CSMD1: variants seen among roughly 807,000 people sequenced by gnomAD.
CSMD1 encodes the protein CUB and sushi domain-containing protein 1.
In CSMD1, 213 loss-of-function variants were observed where a neutral mutation model predicts 417.5. The ratio of observed to expected loss-of-function variants is 0.51; its 90% CI spans 0.46 to 0.57. CSMD1 has a LOEUF of 0.57. Ranked by LOEUF, CSMD1 falls within the 20% of genes least tolerant of loss-of-function variation. CSMD1 has a pLI of 0.00. For missense variants in CSMD1, 6,923 were observed against 4,529.7 expected (o/e 1.53, Z -15.17); for synonymous variants, 2,862 against 1,736.8 (o/e 1.65, Z -16.11).
At chr8:4,003,142 C>T (rs1414232827) in intron 4 of CSMD1, among the ~76,000 whole-genome samples, 3 of 151,948 alleles carry the variant, frequency 2.0e-5, no homozygotes, top group African/African-American at 7.3e-5. Flanking sequence ...GCCTGTAGTC[C>T]CAACACTTTG....
At chr8:4,011,895 G>C (rs901384990) in intron 4 of CSMD1, among the ~76,000 whole-genome samples, 111 of 151,996 alleles carry the variant, frequency 7.3e-4, no homozygotes, top group African/African-American at 2.5e-3. Flanking sequence ...ATATAAAATG[G>C]AATTTTATTT....
chr8:4,769,103 T>A (rs984399102), intron 1 of CSMD1, among the ~76,000 whole-genome samples: 4 of 152,212 alleles, frequency 2.6e-5, no homozygotes, highest in African/African-American at 9.6e-5. Flanking sequence ...GATGGACAGA[T>A]CTGGTTCAAA....
At chr8:3,649,576 G>A (rs970405359) in intron 7 of CSMD1, among the ~76,000 whole-genome samples, 9 of 152,024 alleles carry the variant, frequency 5.9e-5, no homozygotes, top group Non-Finnish European at 1.2e-4. Context: ...TGCAAAGTGG[G>A]GAGAGCCTCT....
intron 5 of CSMD1, among the ~76,000 whole-genome samples, chr8:3,900,300 TAGCTGGGTGACAGTGC>T (rs1807650313): frequency 6.8e-6 from 1 of 148,010 alleles, no homozygotes; most frequent in African/African-American, 2.6e-5. Flanking sequence ...CGTGACACTG[TAGCTGGGTGACAGTGC>T]AGCTGGATGA....
At chr8:3,398,475 C>G (rs1255603104) in intron 16 of CSMD1, among the ~76,000 whole-genome samples, 1 of 152,140 alleles carries the variant, frequency 6.6e-6, no homozygotes, top group Non-Finnish European at 1.5e-5. Flanking sequence ...TAACACAACT[C>G]CTGCTGAAAA....
intron 41 of CSMD1, among the ~76,000 whole-genome samples, chr8:3,119,368 T>G (rs75042978): frequency 3.2e-4 from 45 of 142,266 alleles, no homozygotes; most frequent in African/African-American, 1.1e-3. Flanking sequence ...CCATTGCAGT[T>G]TTTTTAGTCT....
At chr8:3,190,177 G>C in intron 33 of CSMD1, 62 bp from the exon 34 acceptor site, 1 of 1,373,858 alleles carries the variant, frequency 7.3e-7, no homozygotes, top group Non-Finnish European at 1.0e-6. Context: ...GACGTTGCGT[G>C]GAACGTGGGT....
At position 3,078,195 on chromosome 8, in the gene CSMD1, T is replaced by C. The variant is rs1303421970; in HGVS notation, c.7474+8902A>G. ...TTATTACTTTGCATATTTTGTACAG[T>C]TCCTTGTGCAGAAAGGTCAAGGTCT... On this transcript the variant is annotated intron_variant, in intron 49 of 69. Transcript: ENST00000635120. 2.0e-5 allele frequency among the ~76,000 whole-genome samples: 3 copies of C among 152,354 alleles called. No homozygotes were observed. In the East Asian group the frequency reaches 5.8e-4, roughly 29 times the overall value.
At chr8:3,127,862 G>A in intron 41 of CSMD1, 1 of 149,966 alleles carries the variant, frequency 6.7e-6, no homozygotes, top group Non-Finnish European at 1.5e-5. Context: ...GGAAGGAAAG[G>A]AGGGAGGGAA....
At chr8:4,261,948 A>C (rs556988946) in intron 3 of CSMD1, among the ~76,000 whole-genome samples, 1 of 152,188 alleles carries the variant, frequency 6.6e-6, no homozygotes, top group Non-Finnish European at 1.5e-5. Flanking sequence ...AATGTAACAA[A>C]ACAGAAAAAA....
intron 20 of CSMD1, 118 bp from the exon 21 acceptor site, chr8:3,359,458 T>C: frequency 2.7e-6 from 2 of 746,014 alleles, no homozygotes; most frequent in Non-Finnish European, 4.2e-6. Context: ...CATATATATT[T>C]TCCCCAAACA....
At chr8:4,115,305 A>T (rs558158465) in intron 3 of CSMD1, among the ~76,000 whole-genome samples, 84 of 152,348 alleles carry the variant, frequency 5.5e-4, no homozygotes, top group African/African-American at 1.9e-3. Flanking sequence ...TGGCAACAAA[A>T]TATTTTAAAA....
intron 40 of CSMD1, 98 bp from the exon 41 acceptor site, chr8:3,142,772 A>G (rs908358804): frequency 3.0e-6 from 3 of 1,007,734 alleles, no homozygotes; most frequent in Non-Finnish European, 4.6e-6. Context: ...CTCCCCAGAC[A>G]ATCCCTCTCT....
Position 4,717,563 on chromosome 8 carries a change from TATCCATCCATCCATCCATCCATAC to T in CSMD1, c.86-80029_86-80006del, listed in dbSNP as rs1808759755. ...CTGTCTGTCTACCTATCTATCTATC[TATCCATCCATCCATCCATCCATAC>T]ATCCATCCATCCATCCACAAGCAGT... On this transcript the variant is annotated intron_variant, in intron 1 of 69. Transcript: ENST00000635120. Among the ~76,000 whole-genome samples the T allele has an allele frequency of 2.9e-5, 4 of 137,266 alleles. No homozygotes were observed. In the South Asian group the frequency reaches 9.0e-4, roughly 31 times the overall value. The allele number at this position is 137,266 out of a possible 152,430, so 90.1% of individuals were successfully genotyped here.
chr8:3,768,462 C>A (rs1798404275), intron 5 of CSMD1, among the ~76,000 whole-genome samples: 1 of 152,098 alleles, frequency 6.6e-6, no homozygotes, highest in Non-Finnish European at 1.5e-5. Flanking sequence ...ATATTTCCAA[C>A]ATATTTTTTT....
intron 10 of CSMD1, among the ~76,000 whole-genome samples, chr8:3,530,662 C>G (rs1158428982): frequency 6.6e-6 from 1 of 152,060 alleles, no homozygotes; most frequent in African/African-American, 2.4e-5. Flanking sequence ...GCTAGGATTA[C>G]AAGTATTACA....
At chr8:4,165,366 A>C (rs1392919993) in intron 3 of CSMD1, among the ~76,000 whole-genome samples, 3 of 152,254 alleles carry the variant, frequency 2.0e-5, no homozygotes, top group African/African-American at 4.8e-5. Flanking sequence ...TAGGACTCTA[A>C]AACAACTCTT....
chr8:4,072,102 G>T (rs1213767891), intron 3 of CSMD1, among the ~76,000 whole-genome samples: 1 of 152,152 alleles, frequency 6.6e-6, no homozygotes, highest in Non-Finnish European at 1.5e-5. Context: ...ATCAAAAAAT[G>T]GATGATTCGC....
intron 3 of CSMD1, among the ~76,000 whole-genome samples, chr8:4,179,355 T>G (rs567417441): frequency 7.8e-4 from 119 of 152,286 alleles, no homozygotes; most frequent in Middle Eastern, 3.4e-3. Context: ...TAAATGGTGC[T>G]GGGAAAACTG....
Sources: allele counts gnomAD v4.1 joint callset (sites outside exome capture counted in the v4.1 genomes callset), GRCh38; gene constraint gnomAD v4.1.1; transcripts MANE v1.5; gene names NCBI Gene and HGNC (gene_info 2026-07-23, HGNC 2026-07-21).